The following LRRTM4 variants were observed in gnomAD, a reference collection of about 807,000 sequenced individuals.
LRRTM4 encodes the protein leucine rich repeat transmembrane neuronal 4.
LRRTM4 carries 25 observed loss-of-function variants against 47.6 expected under a neutral mutation model. That is an observed-to-expected ratio of 0.53 (90% CI 0.38 to 0.73). LRRTM4 has a LOEUF of 0.73. Ranked by LOEUF, LRRTM4 falls within the 30% of genes least tolerant of loss-of-function variation. The pLI, the probability that LRRTM4 is intolerant of heterozygous loss-of-function variation, is 0.00. For missense variants in LRRTM4, 638 were observed against 713.4 expected (o/e 0.89, Z 1.20); for synonymous variants, 311 against 269.5 (o/e 1.15, Z -1.51).
chr2:77,483,197 A>G (rs1677783742), intron 3 of LRRTM4, among the ~76,000 whole-genome samples: 2 of 151,738 alleles, frequency 1.3e-5, no homozygotes, highest in Non-Finnish European at 2.9e-5. Context: ...CTAATTTACA[A>G]TGCATATACA....
chr2:77,331,405 G>A (rs1271274238), intron 3 of LRRTM4, among the ~76,000 whole-genome samples: 2 of 152,116 alleles, frequency 1.3e-5, no homozygotes, highest in Non-Finnish European at 2.9e-5. Context: ...GTGGGATAGA[G>A]GGCAGCGATT....
chr2:77,189,395 G>T (rs910325950), intron 3 of LRRTM4, among the ~76,000 whole-genome samples: 7 of 152,064 alleles, frequency 4.6e-5, no homozygotes, highest in African/African-American at 1.2e-4. Flanking sequence ...TGGACTAAAG[G>T]TTTGTGTCCC....
chr2:77,415,874 CA>C (rs1674616855), intron 3 of LRRTM4, among the ~76,000 whole-genome samples: 1 of 152,086 alleles, frequency 6.6e-6, no homozygotes, highest in South Asian at 2.1e-4. Context: ...ATATTTGTCA[CA>C]TGCATAAATA....
At chr2:76,963,932 T>C (rs936194688) in intron 3 of LRRTM4, among the ~76,000 whole-genome samples, 1 of 150,812 alleles carries the variant, frequency 6.6e-6, no homozygotes, top group Non-Finnish European at 1.5e-5. Context: ...ACACAAAACA[T>C]GTCATTAATA....
intron 3 of LRRTM4, among the ~76,000 whole-genome samples, chr2:77,104,063 T>C (rs1671030205): frequency 6.6e-6 from 1 of 152,190 alleles, no homozygotes; most frequent in Non-Finnish European, 1.5e-5. Flanking sequence ...ATTTCTATTT[T>C]TCAAACCTTC....
At chr2:77,253,871 C>T (rs1378693866) in intron 3 of LRRTM4, among the ~76,000 whole-genome samples, 2 of 151,926 alleles carry the variant, frequency 1.3e-5, no homozygotes, top group Admixed American at 6.6e-5. Flanking sequence ...ATCTGTGGGA[C>T]GATTACAAAA....
chr2:77,162,266 C>G (rs775357349), intron 3 of LRRTM4, among the ~76,000 whole-genome samples: 4 of 152,174 alleles, frequency 2.6e-5, no homozygotes, highest in Admixed American at 6.5e-5. Context: ...GGCAGCAAGG[C>G]TGGGGGTGGG....
chr2:77,309,681 TGATAGATAGATA>T (rs3084674), intron 3 of LRRTM4, among the ~76,000 whole-genome samples: 3,857 of 147,264 alleles, frequency 0.026, 58 homozygotes, highest in South Asian at 0.06. Flanking sequence ...GATAGACAGA[TGATAGATAGATA>T]GATAGATAGA....
chr2:76,834,959 T>G (rs1214442813), intron 3 of LRRTM4, among the ~76,000 whole-genome samples: 1 of 152,148 alleles, frequency 6.6e-6, no homozygotes, highest in Non-Finnish European at 1.5e-5. Flanking sequence ...CACATCAAAA[T>G]CCTTGCAGCC....
At position 76,901,822 on chromosome 2, in the gene LRRTM4, A is replaced by T. The variant is rs116611474; in HGVS notation, c.1552-152906T>A. On this transcript the variant is annotated intron_variant, in intron 3 of 3. Transcript: ENST00000409884. ...ACTGGATCTGGCAGTAACTTAGCTG[A>T]CAGAACTGGGCACCATTTACATAGA... is the stretch of plus-strand genomic sequence containing the variant. Among the ~76,000 whole-genome samples the T allele has an allele frequency of 7.1e-3, 1,075 of 152,224 alleles. 19 individuals are homozygous for T. Among genetic ancestry groups the T allele is most frequent in the African/African-American group, 0.025 (1,045 of 41,540 alleles).
rs756399840 is a variant in LRRTM4, at chr2:77,049,174, C to CACACACT, written c.1552-300259_1552-300258insAGTGTGT. Reference sequence around the variant, plus strand: ...TATATATATACACACACACACACACCACATTTTCTTTATCCATTCATCTAT... The same window carrying CACACACT: ...TATATATATACACACACACACACACCACACACTACATTTTCTTTATCCATTCATCTAT... On this transcript the variant is annotated intron_variant, in intron 3 of 3. Coordinates refer to ENST00000409884, the MANE Select transcript of LRRTM4 (RefSeq NM_001134745.3). Among the ~76,000 whole-genome samples the CACACACT allele has an allele frequency of 3.5e-5, 4 of 114,486 alleles. No homozygotes were observed. The East Asian group carries it at 7.9e-4, about 23-fold the overall frequency. 75.1% of individuals were successfully genotyped at this position (114,486 alleles called of 152,430 possible).
At chr2:76,945,568 T>A (rs1380547879) in intron 3 of LRRTM4, among the ~76,000 whole-genome samples, 1 of 152,072 alleles carries the variant, frequency 6.6e-6, no homozygotes, top group East Asian at 1.9e-4. Context: ...ACAAAGTCTT[T>A]TTAACCTAAA....
intron 3 of LRRTM4, among the ~76,000 whole-genome samples, chr2:76,902,512 G>A (rs557731274): frequency 3.2e-4 from 49 of 152,282 alleles, no homozygotes; most frequent in African/African-American, 1.1e-3. Context: ...GGACTTTGAT[G>A]ACCTTGATGA....
intron 3 of LRRTM4, among the ~76,000 whole-genome samples, chr2:76,798,154 TC>T (rs1379389553): frequency 6.6e-6 from 1 of 152,134 alleles, no homozygotes; most frequent in African/African-American, 2.4e-5. Context: ...TACATTTTTT[TC>T]AGCACCGCAC....
chr2:77,179,579 G>A (rs558850130), intron 3 of LRRTM4, among the ~76,000 whole-genome samples: 1 of 152,148 alleles, frequency 6.6e-6, no homozygotes, highest in South Asian at 2.1e-4. Context: ...GTCACTTAAG[G>A]TTTAGGGGTT....
At chr2:77,352,956 A>T (rs1573298639) in intron 3 of LRRTM4, among the ~76,000 whole-genome samples, 1 of 152,288 alleles carries the variant, frequency 6.6e-6, no homozygotes, top group African/African-American at 2.4e-5. Flanking sequence ...TTAAAGATTA[A>T]AATTTATGGC....
At chr2:76,933,237 A>C (rs148445838) in intron 3 of LRRTM4, among the ~76,000 whole-genome samples, 1 of 152,220 alleles carries the variant, frequency 6.6e-6, no homozygotes, top group African/African-American at 2.4e-5. Context: ...AATTGTTTCT[A>C]AACAATCAAT....
intron 3 of LRRTM4, among the ~76,000 whole-genome samples, chr2:77,313,390 T>G (rs401135): frequency 0.017 from 2,194 of 132,688 alleles, 31 homozygotes; most frequent in African/African-American, 0.023. Flanking sequence ...CCTGGTGCTG[T>G]GATGTGCCTC....
intron 3 of LRRTM4, among the ~76,000 whole-genome samples, chr2:77,413,344 G>A (rs542602179): frequency 5.9e-5 from 9 of 152,120 alleles, no homozygotes; most frequent in South Asian, 2.1e-4. Context: ...TCTGAGTGTC[G>A]GTTTCATCAT....
Sources: allele counts gnomAD v4.1 joint callset (sites outside exome capture counted in the v4.1 genomes callset), GRCh38; gene constraint gnomAD v4.1.1; transcripts MANE v1.5; gene names NCBI Gene and HGNC (gene_info 2026-07-23, HGNC 2026-07-21).